Variants in PLCZ1 observed in about 807,000 individuals in gnomAD.
The protein encoded by PLCZ1 is 1-phosphatidylinositol 4,5-bisphosphate phosphodiesterase zeta-1.
In PLCZ1, 64 loss-of-function variants were observed where a neutral mutation model predicts 76.8. That is an observed-to-expected ratio of 0.83 (90% confidence interval 0.68 to 1.03). PLCZ1 has a LOEUF of 1.03. Among genes scored for constraint, PLCZ1 ranks in the 50% least tolerant of loss-of-function variants. PLCZ1 has a pLI of 0.00. For synonymous variants in PLCZ1, 248 were observed against 230.8 expected, an observed-to-expected ratio of 1.07 and a Z score of -0.68; for missense variants, 751 against 713.7, an observed-to-expected ratio of 1.05 and a Z score of -0.60.
chr12:18,701,472 T>C, intron 9 of PLCZ1, 29 bp downstream of exon 9: 1 of 1,614,024 alleles, frequency 6.2e-7, no homozygotes, highest in Admixed American at 1.7e-5. Context: ...TCCAATCACT[T>C]GTAAGATTTT....
intron 5 of PLCZ1, 47 bp downstream of exon 5, chr12:18,719,384 C>T (rs1246791217): frequency 1.7e-6 from 2 of 1,169,038 alleles, no homozygotes; most frequent in African/African-American, 1.6e-5. Context: ...CTGCCAGGAA[C>T]TTCCAAGTAT....
intron 5 of PLCZ1, among the ~76,000 whole-genome samples, chr12:18,715,335 A>G (rs1183513145): frequency 3.3e-5 from 5 of 151,982 alleles, no homozygotes; most frequent in Non-Finnish European, 5.9e-5. Flanking sequence ...TGGAGGCTTC[A>G]CCAACCAAGC....
chr12:18,664,290 T>G, the PLCZ1 span, among the ~76,000 whole-genome samples: 2 of 152,184 alleles, frequency 1.3e-5, no homozygotes, highest in African/African-American at 2.4e-5. Context: ...CAAAAAACAC[T>G]GAAAGCAGGC....
intron 6 of PLCZ1, among the ~76,000 whole-genome samples, chr12:18,710,418 GGA>G (rs1239201553): frequency 3.3e-5 from 5 of 151,848 alleles, no homozygotes; most frequent in African/African-American, 4.8e-5. Context: ...AAGTGAACAG[GGA>G]TGGAGTAGCA....
intron 3 of PLCZ1, among the ~76,000 whole-genome samples, chr12:18,730,174 G>A (rs1322687615): frequency 2.0e-5 from 3 of 152,142 alleles, no homozygotes; most frequent in African/African-American, 7.2e-5. Context: ...TGCTCTGAGA[G>A]ACTAGAAGAT....
chr12:18,651,488 C>T, the PLCZ1 span, among the ~76,000 whole-genome samples: 1 of 152,076 alleles, frequency 6.6e-6, no homozygotes, highest in Non-Finnish European at 1.5e-5. Context: ...GGCAATTAGC[C>T]ATAAGACTAT....
chr12:18,700,559 G>A (rs1327180123), intron 9 of PLCZ1, among the ~76,000 whole-genome samples: 2 of 143,516 alleles, frequency 1.4e-5, no homozygotes, highest in South Asian at 2.3e-4. Flanking sequence ...CAAGAGATAG[G>A]CATTCCACTG....
Position 18,688,218 on chromosome 12 carries a change from G to T in PLCZ1, c.1462C>A (p.Leu488Ile). The change falls in exon 13 of 15, where the codon CTC becomes ATC. Residue 488 changes from leucine (L) to isoleucine (I), a missense_variant and splice_region_variant. Leu to Ile is a conservative substitution (Grantham distance 5). Transcript: ENST00000266505. ...AGAGGCAACTGGATACCACTGATGA[G>T]CTGCACAAATATATATGAATATAAG... Reference protein sequence around the residue: ...EGMPITLTIRLISGIQLPLTH... With the variant: ...EGMPITLTIRIISGIQLPLTH... 6.2e-7 allele frequency: 1 copy of T among 1,605,856 alleles called. No homozygotes were observed. The highest frequency in any genetic ancestry group is 8.5e-7 in the Non-Finnish European group (1 of 1,176,142).
chr12:18,707,085 T>C (rs547371361), intron 6 of PLCZ1, among the ~76,000 whole-genome samples: 1 of 152,330 alleles, frequency 6.6e-6, no homozygotes, highest in Non-Finnish European at 1.5e-5. Flanking sequence ...TACTTCCTTC[T>C]TATAAAAGTC....
chr12:18,675,589 A>G, the PLCZ1 span, among the ~76,000 whole-genome samples: 1,142 of 152,316 alleles, frequency 7.5e-3, 17 homozygotes, highest in African/African-American at 0.027. Flanking sequence ...TCACTGCACT[A>G]TTCACAATAG....
At chr12:18,664,720 C>T in the PLCZ1 span, among the ~76,000 whole-genome samples, 57,547 of 150,644 alleles carry the variant, frequency 0.38, 13,646 homozygotes, top group South Asian at 0.59. Context: ...ATGTTTATTG[C>T]GGCACTATTC....
chr12:18,696,711 G>T (rs995910302), intron 10 of PLCZ1, among the ~76,000 whole-genome samples: 1 of 151,888 alleles, frequency 6.6e-6, no homozygotes, highest in Admixed American at 6.6e-5. Context: ...AAAGCTATAC[G>T]ATTCCAGCTA....
intron 12 of PLCZ1, among the ~76,000 whole-genome samples, chr12:18,694,474 G>A (rs956116814): frequency 6.6e-6 from 1 of 152,022 alleles, no homozygotes; most frequent in African/African-American, 2.4e-5. Flanking sequence ...CATATGGGGG[G>A]AAGAATCCTG....
At chr12:18,649,141 C>T in the PLCZ1 span, among the ~76,000 whole-genome samples, 1 of 152,072 alleles carries the variant, frequency 6.6e-6, no homozygotes, top group Non-Finnish European at 1.5e-5. Flanking sequence ...GACGATTATA[C>T]ACCCTTCTGT....
intron 6 of PLCZ1, among the ~76,000 whole-genome samples, chr12:18,707,724 A>T (rs904276977): frequency 6.6e-6 from 1 of 152,074 alleles, no homozygotes; most frequent in African/African-American, 2.4e-5. Flanking sequence ...TCTTTTTCCA[A>T]ATAGTGACTA....
the PLCZ1 span, among the ~76,000 whole-genome samples, chr12:18,656,100 G>A: frequency 6.6e-6 from 1 of 152,160 alleles, no homozygotes; most frequent in South Asian, 2.1e-4. Flanking sequence ...CAAAAATGGT[G>A]AAGTAGGGAA....
chr12:18,711,837 A>G (rs1957384871), intron 6 of PLCZ1, among the ~76,000 whole-genome samples: 1 of 152,084 alleles, frequency 6.6e-6, no homozygotes, highest in South Asian at 2.1e-4. Context: ...GTAGAAATAA[A>G]TAAATTTAGA....
chr12:18,692,196 A>G (rs1954200445), intron 12 of PLCZ1, among the ~76,000 whole-genome samples: 1 of 152,178 alleles, frequency 6.6e-6, no homozygotes, highest in Admixed American at 6.5e-5. Context: ...GGACAGAAAC[A>G]TAAACACTAC....
In PLCZ1 at chr12:18,684,149, T is replaced by A; in HGVS notation, c.1722A>T (p.Pro574=). 4 of 1,611,886 alleles carry A rather than the reference T, an allele frequency of 2.5e-6. No homozygotes were observed. Among genetic ancestry groups the A allele is most frequent in the Non-Finnish European group, 1.7e-6 (2 of 1,178,688 alleles). The change falls in exon 14 of 15, where the codon CCA becomes CCT. Residue 574 remains proline, a synonymous_variant. Transcript: ENST00000266505. ...CATTACCTTTGTTCATGCATAGAAG[T>A]GGCAAAGTATATTGCCCAAGAAATT... The part of the protein sequence containing the change: ...GNEFLGQYTL[P]LLCMNKGYRR...
Sources: allele counts gnomAD v4.1 joint callset (sites outside exome capture counted in the v4.1 genomes callset), GRCh38; gene constraint gnomAD v4.1.1; transcripts MANE v1.5; gene names NCBI Gene and HGNC (gene_info 2026-07-23, HGNC 2026-07-21).